The following RPRD1B variants were observed in gnomAD, a reference collection of about 807,000 sequenced individuals.
RPRD1B encodes the protein regulation of nuclear pre-mRNA domain-containing protein 1B.
Under a neutral mutation model 41.5 loss-of-function variants are expected in RPRD1B, and 11 were observed. That is an observed-to-expected ratio of 0.27 (90% confidence interval 0.17 to 0.44). The LOEUF is 0.44. Among genes scored for constraint, RPRD1B ranks in the 20% least tolerant of loss-of-function variants. RPRD1B has a pLI of 1.00. For synonymous variants in RPRD1B, 158 were observed against 155.6 expected, an observed-to-expected ratio of 1.02 and a Z score of -0.12; for missense variants, 248 against 389.9, an observed-to-expected ratio of 0.64 and a Z score of 3.06.
rs2074599175 is a variant in RPRD1B, at chr20:38,089,972, C to T, written c.*97C>T. ...CTTCTAGCCCCTGGTTCTATCCCTT[C>T]TTCCGCCCAGCCCCCCAGCCTCAAG... On this transcript the variant is annotated 3_prime_UTR_variant, in exon 7 of 7. Coordinates refer to ENST00000373433, the MANE Select transcript of RPRD1B (RefSeq NM_021215.4). 1.2e-5 allele frequency: 18 copies of T among 1,514,538 alleles called. No individual in the cohort carries two copies. In the South Asian group the frequency reaches 2.1e-4, roughly 18 times the overall value. The allele number at this position is 1,514,538 out of a possible 1,614,324, so 93.8% of individuals were successfully genotyped here.
chr20:38,036,583 T>C (rs958439464), intron 1 of RPRD1B, among the ~76,000 whole-genome samples: 2 of 152,244 alleles, frequency 1.3e-5, no homozygotes, highest in Non-Finnish European at 2.9e-5. Context: ...GTGCCTGTTA[T>C]ATAGTTTAAA....
chr20:38,050,376 C>T (rs1448175824), intron 3 of RPRD1B, among the ~76,000 whole-genome samples: 1 of 152,184 alleles, frequency 6.6e-6, no homozygotes, highest in Non-Finnish European at 1.5e-5. Flanking sequence ...TTCTGAAAAG[C>T]AAGATGTTTC....
intron 1 of RPRD1B, among the ~76,000 whole-genome samples, chr20:38,037,585 T>C (rs1354626116): frequency 6.6e-6 from 1 of 152,218 alleles, no homozygotes; most frequent in African/African-American, 2.4e-5. Flanking sequence ...TTGTGTGTAT[T>C]GTGACTGTGT....
At chr20:38,078,466 C>T (rs1327945281) in intron 6 of RPRD1B, among the ~76,000 whole-genome samples, 1 of 152,122 alleles carries the variant, frequency 6.6e-6, no homozygotes, top group Non-Finnish European at 1.5e-5. Flanking sequence ...GACCCCACCC[C>T]AACCCCCCAG....
At chr20:38,059,872 G>GA (rs1005699673) in intron 5 of RPRD1B, among the ~76,000 whole-genome samples, 61 of 151,854 alleles carry the variant, frequency 4.0e-4, no homozygotes, top group Non-Finnish European at 4.4e-5. Flanking sequence ...CTTACTAAAA[G>GA]AAAAAAAATT....
In RPRD1B at chr20:38,066,089, G is replaced by A; in HGVS notation, c.664G>A (p.Ala222Thr). Reference sequence around the variant, plus strand: ...GTCTCATTTGTACTTAGACAAAGAGGCAGCTGAACGTCTTTCAAAAACAGT... The same window carrying A: ...GTCTCATTTGTACTTAGACAAAGAGACAGCTGAACGTCTTTCAAAAACAGT... ...SLLEKITDKE[A>T]AERLSKTVDE... Residue 222 changes from alanine to threonine, a missense_variant, in exon 6 of 7, where the codon GCA (alanine) becomes ACA (threonine). Ala to Thr is a moderately conservative substitution (Grantham distance 58, BLOSUM62 0). Around this residue, in one of 5 missense-constraint regions of RPRD1B, gnomAD observed 93 missense variants for 167.2 expected, o/e 0.56. Transcript: ENST00000373433. The A allele has an allele frequency of 6.2e-7, 1 of 1,613,956 alleles. No homozygotes were observed. Among genetic ancestry groups the A allele is most frequent in the Non-Finnish European group, 8.5e-7 (1 of 1,179,910 alleles).
chr20:38,033,941 C>T lies in RPRD1B; in HGVS notation c.-7C>T. The T allele has an allele frequency of 1.2e-6, 2 of 1,605,310 alleles. No individual in the cohort carries two copies. Among genetic ancestry groups the T allele is most frequent in the South Asian group, 1.1e-5 (1 of 89,924 alleles). On this transcript the variant is annotated 5_prime_UTR_variant, in exon 1 of 7. Coordinates refer to ENST00000373433, the MANE Select transcript of RPRD1B (RefSeq NM_021215.4). Reference sequence around the variant, plus strand: ...GCCGCTCCCTGCCGGGCCTCACTGCCGCCACCATGTCCTCCTTCTCTGAGT... The same window carrying T: ...GCCGCTCCCTGCCGGGCCTCACTGCTGCCACCATGTCCTCCTTCTCTGAGT...
rs533165959 is a variant in RPRD1B, at chr20:38,091,924, T to C, written c.*2049T>C. The C allele has an allele frequency of 2.0e-6, 2 of 985,878 alleles. No individual in the cohort carries two copies. The highest frequency in any genetic ancestry group is 3.5e-5 in the African/African-American group (2 of 57,370). 61.1% of individuals were successfully genotyped at this position (985,878 alleles called of 1,614,324 possible). ...TATGTAAATGAATGTGTTGGCCTCT[T>C]AATACCTGTTACTAGTGGACTTCCT... On this transcript the variant is annotated 3_prime_UTR_variant, in exon 7 of 7. Transcript: ENST00000373433.
intron 6 of RPRD1B, among the ~76,000 whole-genome samples, chr20:38,076,639 C>T (rs2074462188): frequency 6.6e-6 from 1 of 152,178 alleles, no homozygotes; most frequent in African/African-American, 2.4e-5. Context: ...TGGCTGTCTT[C>T]AGAATTTCCC....
chr20:38,047,759 T>TAAGTGTGTTC (rs370078076), intron 2 of RPRD1B, among the ~76,000 whole-genome samples: 1 of 152,312 alleles, frequency 6.6e-6, no homozygotes, highest in Non-Finnish European at 1.5e-5. Flanking sequence ...ACTGCATTAT[T>TAAGTGTGTTC]AAGTGTGTTC....
At chr20:38,054,578 A>G (rs544702337) in intron 3 of RPRD1B, among the ~76,000 whole-genome samples, 32 of 152,194 alleles carry the variant, frequency 2.1e-4, no homozygotes, top group Non-Finnish European at 4.3e-4. Flanking sequence ...AGATATTTTC[A>G]TGAAAATTTG....
chr20:38,079,206 A>G (rs542018528), intron 6 of RPRD1B, among the ~76,000 whole-genome samples: 4 of 151,358 alleles, frequency 2.6e-5, no homozygotes, highest in South Asian at 2.1e-4. Context: ...CACATGTTAT[A>G]TCCTAGGCAC....
At chr20:38,048,601 A>G (rs1006472834) in intron 3 of RPRD1B, 120 bp downstream of exon 3, 1 of 1,463,062 alleles carries the variant, frequency 6.8e-7, no homozygotes. Context: ...TCAGAGAGAC[A>G]GATGATCATG....
At chr20:38,075,712 T>A (rs944842103) in intron 6 of RPRD1B, among the ~76,000 whole-genome samples, 1 of 152,194 alleles carries the variant, frequency 6.6e-6, no homozygotes, top group Admixed American at 6.5e-5. Context: ...TTGAAATAGA[T>A]CAGAAAGAGT....
At chr20:38,082,445 G>A (rs986193038) in intron 6 of RPRD1B, among the ~76,000 whole-genome samples, 2 of 152,116 alleles carry the variant, frequency 1.3e-5, no homozygotes, top group Non-Finnish European at 2.9e-5. Context: ...GGAGTAGAGT[G>A]GCGCCATCTC....
intron 5 of RPRD1B, among the ~76,000 whole-genome samples, chr20:38,059,901 A>G (rs2074280784): frequency 6.6e-6 from 1 of 152,084 alleles, no homozygotes; most frequent in Non-Finnish European, 1.5e-5. Flanking sequence ...GGGCTGTGTG[A>G]TTTGTGCCCT....
At chr20:38,087,933 G>A (rs1474132366) in intron 6 of RPRD1B, among the ~76,000 whole-genome samples, 1 of 152,222 alleles carries the variant, frequency 6.6e-6, no homozygotes, top group African/African-American at 2.4e-5. Context: ...CCTGGTGGAT[G>A]CTGGGGGAAG....
chr20:38,084,584 G>A (rs1231512960), intron 6 of RPRD1B, among the ~76,000 whole-genome samples: 6 of 152,316 alleles, frequency 3.9e-5, no homozygotes, highest in East Asian at 1.9e-4. Context: ...CATCTGCAGT[G>A]TGTCAGGTCT....
At chr20:38,073,951 T>A (rs2074435897) in intron 6 of RPRD1B, among the ~76,000 whole-genome samples, 1 of 152,180 alleles carries the variant, frequency 6.6e-6, no homozygotes, top group South Asian at 2.1e-4. Context: ...TCACTGCCCT[T>A]CTGTAGTATT....
Sources: allele counts gnomAD v4.1 joint callset (sites outside exome capture counted in the v4.1 genomes callset), GRCh38; gene constraint gnomAD v4.1.1; regional missense constraint gnomAD v4.1.1; transcripts MANE v1.5; gene names NCBI Gene and HGNC (gene_info 2026-07-23, HGNC 2026-07-21).